Variants in CRB1 observed in about 807,000 individuals in gnomAD.
CRB1 encodes the protein protein crumbs homolog 1.
Under a neutral mutation model 120.0 loss-of-function variants are expected in CRB1, and 83 were observed. The observed-to-expected ratio is 0.69, with a 90% CI of 0.58 to 0.83. The LOEUF is 0.83. Ranked by LOEUF, CRB1 falls within the 40% of genes least tolerant of loss-of-function variation. CRB1 has a pLI of 0.00. For missense variants in CRB1, 1,699 were observed against 1,687.6 expected (o/e 1.01, Z -0.12); for synonymous variants, 625 against 612.5 (o/e 1.02, Z -0.30).
chr1:197,268,141 G>C, upstream of CRB1: 2 of 428,160 alleles, frequency 4.7e-6, no homozygotes, highest in Non-Finnish European at 8.7e-6. Context: ...GCAAAGGCTT[G>C]AGGGGGGAAT....
At position 197,478,258 on chromosome 1, in the gene CRB1, G is replaced by T; in HGVS notation, c.*379G>T. The T allele has an allele frequency of 3.5e-6, 1 of 287,818 alleles. No individual in the cohort carries two copies. Among genetic ancestry groups the T allele is most frequent in the South Asian group, 3.6e-5 (1 of 28,122 alleles). 17.8% of individuals were successfully genotyped at this position (287,818 alleles called of 1,614,324 possible). A position where few individuals can be genotyped will look rare whatever the true frequency, so the allele number is the denominator to read the frequency against. ...ACTTTCTGTAGTTTCTGTGTAAACT[G>T]CCATATGTTTACATGGAAACTACAG... is the stretch of plus-strand genomic sequence containing the variant. On this transcript the variant is annotated 3_prime_UTR_variant, in exon 12 of 12. Coordinates refer to ENST00000367400, the MANE Select transcript of CRB1 (RefSeq NM_201253.3).
At chr1:197,376,765 A>G (rs1236912914) in intron 5 of CRB1, among the ~76,000 whole-genome samples, 1 of 152,162 alleles carries the variant, frequency 6.6e-6, no homozygotes, top group Non-Finnish European at 1.5e-5. Context: ...CATAATATGC[A>G]TCAGATCATG....
At chr1:197,266,312 C>T (rs1332784614), upstream of CRB1, among the ~76,000 whole-genome samples, 2 of 152,084 alleles carry the variant, frequency 1.3e-5, no homozygotes, top group African/African-American at 4.8e-5. Flanking sequence ...GCCTGTTCCT[C>T]ATAGAAGGTT....
chr1:197,344,572 T>G, intron 3 of CRB1, 96 bp downstream of exon 3: 1 of 1,230,080 alleles, frequency 8.1e-7, no homozygotes, highest in Non-Finnish European at 1.2e-6. Flanking sequence ...CGTTCTCGGC[T>G]TAAAATTTGG....
At chr1:197,310,079 G>C (rs1537996) in intron 1 of CRB1, among the ~76,000 whole-genome samples, 1 of 152,020 alleles carries the variant, frequency 6.6e-6, no homozygotes, top group African/African-American at 2.4e-5. Flanking sequence ...GTGTGCAATG[G>C]TATGATGTTT....
intron 3 of CRB1, among the ~76,000 whole-genome samples, chr1:197,344,746 A>G (rs992318376): frequency 6.6e-6 from 1 of 152,224 alleles, no homozygotes; most frequent in African/African-American, 2.4e-5. Context: ...TCCATGAAAT[A>G]AAGCTGTTGT....
At chr1:197,300,264 G>T (rs913374103) in intron 1 of CRB1, among the ~76,000 whole-genome samples, 7 of 151,952 alleles carry the variant, frequency 4.6e-5, no homozygotes, top group African/African-American at 1.7e-4. Context: ...AAGGCATATT[G>T]ACTAAGATAG....
chr1:197,237,919 G>GACAGTAGCTTT, the CRB1 span, among the ~76,000 whole-genome samples: 14 of 151,614 alleles, frequency 9.2e-5, no homozygotes, highest in Non-Finnish European at 1.3e-4. Context: ...CTTTTTCTAG[G>GACAGTAGCTTT]TTCTTGAGAC....
chr1:197,433,536 G>A (rs564986979), intron 8 of CRB1, among the ~76,000 whole-genome samples: 1 of 152,186 alleles, frequency 6.6e-6, no homozygotes, highest in Admixed American at 6.5e-5. Context: ...AGAGAAAAAT[G>A]AGGAATAATA....
At chr1:197,308,880 T>C (rs1318896275) in intron 1 of CRB1, among the ~76,000 whole-genome samples, 2 of 151,310 alleles carry the variant, frequency 1.3e-5, no homozygotes, top group African/African-American at 4.8e-5. Context: ...ATATAGGATT[T>C]ACAGTATCTA....
chr1:197,263,535 C>A (rs1654562322), upstream of CRB1, among the ~76,000 whole-genome samples: 1 of 152,028 alleles, frequency 6.6e-6, no homozygotes, highest in Non-Finnish European at 1.5e-5. Flanking sequence ...AATTAGGTCC[C>A]AATTGTCAAT....
chr1:197,444,583 TAC>T, intron 11 of CRB1: 1 of 152,244 alleles, frequency 6.6e-6, no homozygotes, highest in South Asian at 2.1e-4. Flanking sequence ...ATATGTTCTC[TAC>T]CAAATGTGGT....
chr1:197,284,924 C>T (rs1024373850), intron 1 of CRB1, among the ~76,000 whole-genome samples: 3 of 151,826 alleles, frequency 2.0e-5, no homozygotes, highest in Non-Finnish European at 4.4e-5. Flanking sequence ...ATTCCTTTCA[C>T]GTCAAATAAA....
chr1:197,435,342 C>A lies in CRB1; in HGVS notation c.3479C>A (p.Ser1160Tyr). 3 of 1,613,656 alleles carry A rather than the reference C, an allele frequency of 1.9e-6. No individual in the cohort carries two copies. The highest frequency in any genetic ancestry group is 2.5e-6 in the Non-Finnish European group (3 of 1,179,784). ...HGGNCEDIYSSYHCSCPLGWS... is the reference protein window; with the variant it reads ...HGGNCEDIYSYYHCSCPLGWS... Reference sequence around the variant, plus strand: ...GGAAACTGTGAAGACATCTATAGCTCTTATCATTGCTCCTGTCCCTTGGGA... The same window carrying A: ...GGAAACTGTGAAGACATCTATAGCTATTATCATTGCTCCTGTCCCTTGGGA... The change falls in exon 9 of 12, where the codon TCT (serine) becomes TAT (tyrosine). Residue 1160 changes from serine (S) to tyrosine (Y), a missense_variant. By Grantham distance (144) the Ser-to-Tyr change is moderately radical. Transcript: ENST00000367400.
intron 1 of CRB1, among the ~76,000 whole-genome samples, chr1:197,285,417 G>T (rs1028191286): frequency 2.0e-5 from 3 of 151,786 alleles, no homozygotes; most frequent in Non-Finnish European, 2.9e-5. Context: ...CTCTCAGTGG[G>T]ATGTACAACA....
At chr1:197,319,455 A>AAAG (rs1658061339) in intron 1 of CRB1, among the ~76,000 whole-genome samples, 2 of 130,882 alleles carry the variant, frequency 1.5e-5, no homozygotes, top group Non-Finnish European at 3.0e-5. Flanking sequence ...AAAAAAAAAA[A>AAAG]AAAGAAAGAA....
chr1:197,453,953 ATAT>A (rs1313056129), intron 11 of CRB1, among the ~76,000 whole-genome samples: 3 of 126,828 alleles, frequency 2.4e-5, no homozygotes, highest in African/African-American at 6.9e-5. Context: ...TATATTATTG[ATAT>A]TATTATATTA....
chr1:197,309,262 G>GTCT (rs932760172), intron 1 of CRB1, among the ~76,000 whole-genome samples: 1 of 152,092 alleles, frequency 6.6e-6, no homozygotes, highest in East Asian at 1.9e-4. Flanking sequence ...GACTACTGTG[G>GTCT]TCTTCTACAG....
At chr1:197,398,387 G>C (rs1315278232) in intron 5 of CRB1, among the ~76,000 whole-genome samples, 1 of 152,046 alleles carries the variant, frequency 6.6e-6, no homozygotes, top group Non-Finnish European at 1.5e-5. Context: ...TGTATTTTAG[G>C]GTATTTACCT....
Sources: allele counts gnomAD v4.1 joint callset (sites outside exome capture counted in the v4.1 genomes callset), GRCh38; gene constraint gnomAD v4.1.1; transcripts MANE v1.5; gene names NCBI Gene and HGNC (gene_info 2026-07-23, HGNC 2026-07-21).